LHX4: variants seen among roughly 807,000 people sequenced by gnomAD.
The protein encoded by LHX4 is LIM/homeobox protein Lhx4.
A neutral mutation model predicts 39.2 loss-of-function variants in LHX4; 16 were observed. That is an observed-to-expected ratio of 0.41 (90% CI 0.28 to 0.62). LHX4 has a LOEUF of 0.62. Ranked by LOEUF, LHX4 falls within the 20% of genes least tolerant of loss-of-function variation. The probability of loss-of-function intolerance (pLI) is 0.33; values close to 1 mark genes in which losing one functional copy is unlikely to be tolerated. For synonymous variants in LHX4, 206 were observed against 198.1 expected (o/e 1.04, Z -0.33); for missense variants, 439 against 511.9 (o/e 0.86, Z 1.37).
rs550862818 is a variant in LHX4, at chr1:180,274,538, C to T, written c.1132C>T (p.Pro378Ser). 4 of 1,601,028 alleles carry T rather than the reference C, an allele frequency of 2.5e-6. No individual in the cohort carries two copies. Among genetic ancestry groups the T allele is most frequent in the South Asian group, 1.1e-5 (1 of 90,870 alleles). Residue 378 changes from proline (P) to serine (S), a missense_variant, in exon 6 of 6, where the codon CCA becomes TCA. By Grantham distance (74) the Pro-to-Ser change is moderately conservative (BLOSUM62 -1). Transcript: ENST00000263726. ...SVGYPDFPTS[P>S]GSWLDEMDHP... Reference sequence around the variant, plus strand: ...AGGCTATCCCGACTTTCCAACTAGCCCAGGCTCTTGGCTCGATGAAATGGA... The same window carrying T: ...AGGCTATCCCGACTTTCCAACTAGCTCAGGCTCTTGGCTCGATGAAATGGA...
At chr1:180,250,957 CT>C (rs1185061367) in intron 2 of LHX4, among the ~76,000 whole-genome samples, 2 of 152,260 alleles carry the variant, frequency 1.3e-5, no homozygotes, top group African/African-American at 4.8e-5. Flanking sequence ...GGCCTTGCCC[CT>C]GGCTCCACTG....
chr1:180,238,960 TAA>T (rs1055241041), intron 1 of LHX4, among the ~76,000 whole-genome samples: 7 of 152,312 alleles, frequency 4.6e-5, no homozygotes, highest in Non-Finnish European at 1.0e-4. Flanking sequence ...CCAGGTGATT[TAA>T]AAGGGGAATT....
intron 2 of LHX4, among the ~76,000 whole-genome samples, chr1:180,258,002 G>A (rs1647938776): frequency 6.6e-6 from 1 of 152,202 alleles, no homozygotes; most frequent in Admixed American, 6.5e-5. Context: ...GCGCAGGACT[G>A]GGTCACTCAC....
chr1:180,268,519 C>A (rs902818031), intron 3 of LHX4, among the ~76,000 whole-genome samples: 1 of 152,200 alleles, frequency 6.6e-6, no homozygotes, highest in Non-Finnish European at 1.5e-5. Context: ...TCCCCCCACA[C>A]AGGGAGATCT....
At chr1:180,257,869 A>G (rs1647925497) in intron 2 of LHX4, among the ~76,000 whole-genome samples, 1 of 152,224 alleles carries the variant, frequency 6.6e-6, no homozygotes, top group Non-Finnish European at 1.5e-5. Flanking sequence ...AAGACATCCC[A>G]GAGGAGAGGC....
At chr1:180,255,924 C>T (rs964885415) in intron 2 of LHX4, among the ~76,000 whole-genome samples, 1 of 152,216 alleles carries the variant, frequency 6.6e-6, no homozygotes, top group South Asian at 2.1e-4. Flanking sequence ...GAAACGGGGT[C>T]CCCAGTGGGA....
At chr1:180,272,929 G>C (rs1648772005) in intron 5 of LHX4, 1 of 152,250 alleles carries the variant, frequency 6.6e-6, no homozygotes. Flanking sequence ...CAGGGAGCGT[G>C]TGGCTCCCGC....
upstream of LHX4, among the ~76,000 whole-genome samples, chr1:180,229,503 T>C (rs1664110077): frequency 6.6e-6 from 1 of 151,850 alleles, no homozygotes; most frequent in Admixed American, 6.5e-5. Context: ...GCCCGCCGCG[T>C]GACTCGCGCG....
Position 180,248,276 on chromosome 1 carries a change from T to G in LHX4, c.77-9T>G. The G allele has an allele frequency of 6.2e-7, 1 of 1,613,816 alleles. No homozygotes were observed. Among genetic ancestry groups the G allele is most frequent in the South Asian group, 1.1e-5 (1 of 90,976 alleles). ...GGCTCACAGTGCCTCTCTCTCCTCT[T>G]CCTCACAGAGATTCCCCAGTGCGCT... is the stretch of plus-strand genomic sequence containing the variant. On this transcript the variant is annotated splice_polypyrimidine_tract_variant and intron_variant, in intron 1 of 5. Transcript: ENST00000263726.
chr1:180,230,169 A>T, upstream of LHX4: 1 of 358,480 alleles, frequency 2.8e-6, no homozygotes, highest in Middle Eastern at 9.3e-4. The surrounding 1 kb of genome is among the most constrained non-coding windows in gnomAD (Gnocchi z 5.8). Flanking sequence ...ATGAATCAAA[A>T]CGCCCGGGTG....
At chr1:180,243,533 T>C (rs1312789546) in intron 1 of LHX4, among the ~76,000 whole-genome samples, 1 of 152,172 alleles carries the variant, frequency 6.6e-6, no homozygotes, top group Non-Finnish European at 1.5e-5. Context: ...CCAGATAGTT[T>C]ATATTTTTTA....
At chr1:180,239,141 T>C (rs1421378395) in intron 1 of LHX4, among the ~76,000 whole-genome samples, 1 of 152,274 alleles carries the variant, frequency 6.6e-6, no homozygotes, top group Non-Finnish European at 1.5e-5. Context: ...AACTCAGGTA[T>C]GTGTTTAGGC....
In LHX4 at chr1:180,232,558, C is replaced by T. The variant is rs2149251124; in HGVS notation, c.76+1953C>T. Among the ~76,000 whole-genome samples the T allele has an allele frequency of 6.6e-6, 1 of 152,298 alleles. No individual in the cohort carries two copies. The highest frequency in any genetic ancestry group is 2.1e-4 in the South Asian group (1 of 4,830). On this transcript the variant is annotated intron_variant, in intron 1 of 5. Transcript: ENST00000263726. This position sits in a 1 kb window ranked among gnomAD's most constrained non-coding sequence, Gnocchi z 5.4. ...CCAGGGTGGCCCAGGGAGGCAATGT[C>T]TAATCTAGAGGGGGTGGTCAGTCCT...
At chr1:180,269,639 G>A (rs748042279) in intron 3 of LHX4, 5 of 152,080 alleles carry the variant, frequency 3.3e-5, no homozygotes, top group East Asian at 1.9e-4. Context: ...AGTGATTCTC[G>A]AGAAATTAAA....
chr1:180,236,676 G>C (rs912472311), intron 1 of LHX4, among the ~76,000 whole-genome samples: 2 of 152,160 alleles, frequency 1.3e-5, no homozygotes, highest in African/African-American at 2.4e-5. Context: ...AGTTGTGGAT[G>C]GGGGGCGGGT....
intron 5 of LHX4, among the ~76,000 whole-genome samples, chr1:180,272,382 C>A (rs1434048081): frequency 6.6e-6 from 1 of 152,176 alleles, no homozygotes; most frequent in Non-Finnish European, 1.5e-5. Flanking sequence ...GGGACACTGG[C>A]CTACTCCCAT....
intron 5 of LHX4, among the ~76,000 whole-genome samples, chr1:180,272,443 C>T (rs1255108059): frequency 6.6e-6 from 1 of 152,212 alleles, no homozygotes; most frequent in Non-Finnish European, 1.5e-5. Flanking sequence ...GGAGGTCATG[C>T]TCCACAGGTT....
chr1:180,239,235 G>GC (rs879754322), intron 1 of LHX4, among the ~76,000 whole-genome samples: 58 of 152,250 alleles, frequency 3.8e-4, no homozygotes, highest in Middle Eastern at 6.8e-3. Context: ...AAATCAATGA[G>GC]CCCCCCACTG....
chr1:180,249,763 A>G (rs1647525950), intron 2 of LHX4, among the ~76,000 whole-genome samples: 1 of 152,234 alleles, frequency 6.6e-6, no homozygotes, highest in South Asian at 2.1e-4. Context: ...TGAAGAGCAC[A>G]TTAAAGATCT....
Sources: allele counts gnomAD v4.1 joint callset (sites outside exome capture counted in the v4.1 genomes callset), GRCh38; gene constraint gnomAD v4.1.1; non-coding constraint Gnocchi (gnomAD v3.1); transcripts MANE v1.5; gene names NCBI Gene and HGNC (gene_info 2026-07-23, HGNC 2026-07-21).